The following MAP3K2 variants were observed in gnomAD, a reference collection of about 807,000 sequenced individuals.
MAP3K2 encodes mitogen-activated protein kinase kinase kinase 2.
In MAP3K2, 24 loss-of-function variants were observed where a neutral mutation model predicts 80.3. The ratio of observed to expected loss-of-function variants is 0.30; its 90% CI spans 0.22 to 0.42. MAP3K2 has a LOEUF of 0.42. Among genes scored for constraint, MAP3K2 ranks in the 10% least tolerant of loss-of-function variants. MAP3K2 has a pLI of 1.00. For missense variants in MAP3K2, 608 were observed against 750.1 expected, an observed-to-expected ratio of 0.81 and a Z score of 2.21; for synonymous variants, 244 against 253.7, an observed-to-expected ratio of 0.96 and a Z score of 0.36.
intron 1 of MAP3K2, among the ~76,000 whole-genome samples, chr2:127,383,340 G>A (rs1687282812): frequency 6.6e-6 from 1 of 152,160 alleles, no homozygotes; most frequent in African/African-American, 2.4e-5. Context: ...TTTTCCGTTT[G>A]TCTGTGTCAT....
At chr2:127,319,666 A>AAAAAAAAAG (rs1558975342) in intron 12 of MAP3K2, among the ~76,000 whole-genome samples, 89 of 148,352 alleles carry the variant, frequency 6.0e-4, no homozygotes, top group Middle Eastern at 3.5e-3. Flanking sequence ...AAAAAAAAAA[A>AAAAAAAAAG]AAAAAAAAAA....
At chr2:127,357,957 A>T (rs1266314298) in intron 1 of MAP3K2, among the ~76,000 whole-genome samples, 1 of 152,212 alleles carries the variant, frequency 6.6e-6, no homozygotes, top group Non-Finnish European at 1.5e-5. Flanking sequence ...TACATATCTT[A>T]AAAGAAAAAA....
intron 11 of MAP3K2, 40 bp downstream of exon 11, chr2:127,323,861 AT>A: frequency 9.9e-7 from 1 of 1,005,792 alleles, no homozygotes; most frequent in Non-Finnish European, 1.4e-6. Context: ...TGTTGTTGAG[AT>A]TTTTTAACTA....
At chr2:127,345,855 C>A (rs1345524340) in intron 1 of MAP3K2, among the ~76,000 whole-genome samples, 3 of 152,004 alleles carry the variant, frequency 2.0e-5, no homozygotes, top group Non-Finnish European at 4.4e-5. Flanking sequence ...GTATTGGATG[C>A]ATCTAAAGAT....
At chr2:127,326,331 T>C (rs1396200953) in intron 8 of MAP3K2, among the ~76,000 whole-genome samples, 1 of 93,890 alleles carries the variant, frequency 1.1e-5, no homozygotes, top group Non-Finnish European at 2.4e-5. Context: ...TTTTAAATGT[T>C]TCAGAAAGTT....
chr2:127,320,734 C>T (rs114615567), intron 12 of MAP3K2, among the ~76,000 whole-genome samples: 307 of 152,284 alleles, frequency 2.0e-3, no homozygotes, highest in South Asian at 3.3e-3. Flanking sequence ...GGGAAGAAAG[C>T]ATATTACATA....
At chr2:127,349,915 C>T (rs1055998804) in intron 1 of MAP3K2, among the ~76,000 whole-genome samples, 6 of 152,056 alleles carry the variant, frequency 3.9e-5, no homozygotes, top group Non-Finnish European at 2.9e-5. Flanking sequence ...TGCACTGTCA[C>T]CCAGGCTGAT....
intron 5 of MAP3K2, among the ~76,000 whole-genome samples, chr2:127,332,461 TG>T (rs1686279504): frequency 1.3e-5 from 2 of 152,238 alleles, no homozygotes; most frequent in African/African-American, 4.8e-5. Context: ...CTGTAAAATG[TG>T]AACATCCTGG....
At chr2:127,324,781 T>C (rs1400054525) in intron 9 of MAP3K2, among the ~76,000 whole-genome samples, 2 of 152,218 alleles carry the variant, frequency 1.3e-5, no homozygotes, top group Non-Finnish European at 2.9e-5. Context: ...TAGTTATTTT[T>C]TTCAGAATTT....
chr2:127,317,901 C>T (rs1685938287), intron 13 of MAP3K2, 141 bp from the exon 14 acceptor site: 2 of 798,114 alleles, frequency 2.5e-6, no homozygotes, highest in Non-Finnish European at 3.9e-6. Flanking sequence ...TAACCAATAA[C>T]TTTTTAAACA....
rs189046453 is a variant in MAP3K2 at position 127,374,958 on chromosome 2, A to C, written c.-66+12494T>G. ...GGAATATGAATAAGGACCCTGCAACACTACTAGCACAAGCCTTATTTACCC... is the reference window on the plus strand; with the variant it reads ...GGAATATGAATAAGGACCCTGCAACCCTACTAGCACAAGCCTTATTTACCC... On this transcript the variant is annotated intron_variant, in intron 1 of 16. Coordinates refer to ENST00000682094, the MANE Select transcript of MAP3K2 (RefSeq NM_001371910.2). Among the ~76,000 whole-genome samples, 354 of 152,330 alleles carry C rather than the reference A, an allele frequency of 2.3e-3. 1 individual carries two copies. Among genetic ancestry groups the C allele is most frequent in the African/African-American group, 7.7e-3 (321 of 41,574 alleles).
At position 127,330,645 on chromosome 2, in the gene MAP3K2, G is replaced by A. The variant is rs545859534; in HGVS notation, c.265-140C>T. On this transcript the variant is annotated intron_variant, in intron 5 of 16. Transcript: ENST00000682094. Reference sequence around the variant, plus strand: ...CTATGATGAAAGTCTGAATGTGTATGTGTATATTGTTTTGCCCTCCTCATT... The same window carrying A: ...CTATGATGAAAGTCTGAATGTGTATATGTATATTGTTTTGCCCTCCTCATT... The A allele has an allele frequency of 1.1e-5, 5 of 471,022 alleles. No homozygotes were observed. In the East Asian group the frequency reaches 1.7e-4, roughly 16 times the overall value. The allele number at this position is 471,022 out of a possible 1,614,324, so 29.2% of individuals were successfully genotyped here. A position where few individuals can be genotyped will look rare whatever the true frequency, so the allele number is the denominator to read the frequency against.
At chr2:127,373,275 T>C (rs1220727222) in intron 1 of MAP3K2, among the ~76,000 whole-genome samples, 1 of 152,240 alleles carries the variant, frequency 6.6e-6, no homozygotes, top group Non-Finnish European at 1.5e-5. Context: ...TAAGGTTATA[T>C]AACTCTGTAG....
Position 127,343,119 on chromosome 2 carries a change from A to C in MAP3K2, c.4+7T>G. ...ATTGCTGAAAAATGCTTTTAGTTTG[A>C]ACTCACCCATTATGGCAAACAGCTC... On this transcript the variant is annotated splice_region_variant and intron_variant, in intron 2 of 16. Transcript: ENST00000682094. 2 of 1,553,076 alleles carry C rather than the reference A, an allele frequency of 1.3e-6. No individual in the cohort carries two copies. The highest frequency in any genetic ancestry group is 1.7e-6 in the Non-Finnish European group (2 of 1,146,668).
intron 2 of MAP3K2, among the ~76,000 whole-genome samples, chr2:127,341,530 G>GTTTTTTTTTTTTTTT (rs1341901292): frequency 1.1e-4 from 10 of 91,120 alleles, no homozygotes; most frequent in East Asian, 3.4e-4. Context: ...TTTTTTTGTT[G>GTTTTTTTTTTTTTTT]TTTTTTTTTT....
Position 127,330,380 on chromosome 2 carries a change from C to A in MAP3K2, c.378+12G>T. ...CTATAATTCTTACTGAAAAAAATATCCCAAATCATACCTGTGTACTTCCAT... is the reference window on the plus strand; with the variant it reads ...CTATAATTCTTACTGAAAAAAATATACCAAATCATACCTGTGTACTTCCAT... On this transcript the variant is annotated intron_variant, in intron 6 of 16. Coordinates refer to ENST00000682094, the MANE Select transcript of MAP3K2 (RefSeq NM_001371910.2). The A allele has an allele frequency of 7.2e-7, 1 of 1,380,262 alleles. No individual in the cohort carries two copies. The highest frequency in any genetic ancestry group is 1.0e-6 in the Non-Finnish European group (1 of 990,958). 85.5% of individuals were successfully genotyped at this position (1,380,262 alleles called of 1,614,324 possible). A position where few individuals can be genotyped will look rare whatever the true frequency, so the allele number is the denominator to read the frequency against.
chr2:127,334,250 T>C (rs1686320596), intron 5 of MAP3K2, among the ~76,000 whole-genome samples: 1 of 152,090 alleles, frequency 6.6e-6, no homozygotes, highest in African/African-American at 2.4e-5. Flanking sequence ...ACAAATCATG[T>C]CATGCTAACC....
intron 15 of MAP3K2, among the ~76,000 whole-genome samples, chr2:127,313,692 AG>A (rs1241804537): frequency 7.2e-5 from 11 of 152,202 alleles, no homozygotes; most frequent in Admixed American, 7.2e-4. Flanking sequence ...ATGCATTTTT[AG>A]GCAATTTTGT....
At chr2:127,362,073 A>G (rs1686902645) in intron 1 of MAP3K2, among the ~76,000 whole-genome samples, 1 of 152,196 alleles carries the variant, frequency 6.6e-6, no homozygotes, top group Non-Finnish European at 1.5e-5. Context: ...CTCAGACAAT[A>G]TATTTGTAAT....
Sources: allele counts gnomAD v4.1 joint callset (sites outside exome capture counted in the v4.1 genomes callset), GRCh38; gene constraint gnomAD v4.1.1; transcripts MANE v1.5; gene names NCBI Gene and HGNC (gene_info 2026-07-23, HGNC 2026-07-21).